Variants in SLCO1B1 observed in about 807,000 individuals in gnomAD.
SLCO1B1 encodes solute carrier organic anion transporter family member 1B1.
In SLCO1B1, 81 loss-of-function variants were observed where a neutral mutation model predicts 70.1. The ratio of observed to expected loss-of-function variants is 1.16; its 90% confidence interval spans 0.97 to 1.39. The LOEUF (loss-of-function observed/expected upper bound fraction) is 1.39, where lower values mean the gene tolerates loss of function less well. SLCO1B1 is among the 40% of genes most tolerant of loss of function. The pLI is 0.00. For synonymous variants in SLCO1B1, 283 were observed against 271.5 expected (o/e 1.04, Z -0.42); for missense variants, 895 against 799.6 (o/e 1.12, Z -1.44).
chr12:21,196,070 A>G (rs1055608305), intron 7 of SLCO1B1, among the ~76,000 whole-genome samples: 3 of 152,144 alleles, frequency 2.0e-5, no homozygotes, highest in African/African-American at 7.2e-5. Context: ...GGTGTCTCCA[A>G]TTTTCTTAAA....
chr12:21,190,101 A>G (rs911289807), intron 7 of SLCO1B1, among the ~76,000 whole-genome samples: 2 of 152,178 alleles, frequency 1.3e-5, no homozygotes, highest in Admixed American at 6.5e-5. Flanking sequence ...AGGGGAGACT[A>G]AGCTGAAGAT....
At chr12:21,137,529 C>T (rs1486891226) in intron 1 of SLCO1B1, among the ~76,000 whole-genome samples, 2 of 152,054 alleles carry the variant, frequency 1.3e-5, no homozygotes, top group African/African-American at 2.4e-5. Context: ...ACAACTAACT[C>T]AGCAATGGTG....
intron 7 of SLCO1B1, among the ~76,000 whole-genome samples, chr12:21,187,841 G>A (rs1449172926): frequency 1.3e-5 from 2 of 152,044 alleles, no homozygotes; most frequent in East Asian, 1.9e-4. Flanking sequence ...TCAAGATATC[G>A]GTATTGGAGA....
In SLCO1B1 at chr12:21,225,704, C is replaced by T. The variant is rs562820592; in HGVS notation, c.1865+865C>T. ...CACAGGCAAATATCCCGAATATATACGGAACTCTTAAACATCAGCAAAAAA... is the reference window on the plus strand; with the variant it reads ...CACAGGCAAATATCCCGAATATATATGGAACTCTTAAACATCAGCAAAAAA... On this transcript the variant is annotated intron_variant, in intron 14 of 14. Coordinates refer to ENST00000256958, the MANE Select transcript of SLCO1B1 (RefSeq NM_006446.5). 2.0e-3 allele frequency among the ~76,000 whole-genome samples: 312 copies of T among 152,204 alleles called. 1 individual carries two copies. Among genetic ancestry groups the T allele is most frequent in the African/African-American group, 6.8e-3 (284 of 41,512 alleles).
chr12:21,156,581 C>T (rs1940545912), intron 2 of SLCO1B1, among the ~76,000 whole-genome samples: 1 of 151,860 alleles, frequency 6.6e-6, no homozygotes, highest in Non-Finnish European at 1.5e-5. Flanking sequence ...TAGTTAATAA[C>T]AGAAAAAATA....
chr12:21,220,809 C>A, intron 12 of SLCO1B1, among the ~76,000 whole-genome samples: 1 of 131,758 alleles, frequency 7.6e-6, no homozygotes, highest in African/African-American at 2.9e-5. Flanking sequence ...CAGAGCAAGA[C>A]TGGTCTAAAA....
At chr12:21,206,873 T>C (rs1409244925) in intron 11 of SLCO1B1, among the ~76,000 whole-genome samples, 1 of 151,924 alleles carries the variant, frequency 6.6e-6, no homozygotes, top group Non-Finnish European at 1.5e-5. Flanking sequence ...TGCCACACCC[T>C]TCTGTGTTTG....
intron 10 of SLCO1B1, 67 bp downstream of exon 10, chr12:21,202,753 T>TA (rs1941173669): frequency 9.4e-6 from 12 of 1,280,312 alleles, no homozygotes; most frequent in Non-Finnish European, 1.3e-5. Flanking sequence ...TCTGTATAAG[T>TA]AATATAAGGC....
chr12:21,168,834 T>A (rs1471703746), intron 2 of SLCO1B1, among the ~76,000 whole-genome samples: 1 of 152,224 alleles, frequency 6.6e-6, no homozygotes, highest in African/African-American at 2.4e-5. Context: ...CCATAGGTTA[T>A]CTTTTCACCT....
At position 21,136,996 on chromosome 12, in the gene SLCO1B1, C is replaced by CT. The variant is rs1940231950; in HGVS notation, c.-61-4518_-61-4517insT. 2.0e-5 allele frequency among the ~76,000 whole-genome samples: 3 copies of CT among 152,240 alleles called. No individual in the cohort carries two copies. In the East Asian group the frequency reaches 5.8e-4, roughly 29 times the overall value. ...TTTGGTCTTTGATGATGGTGACGTA[C>CT]AGATGGGTTTTTGGTGCGGATGTCC... On this transcript the variant is annotated intron_variant, in intron 1 of 14. Coordinates refer to ENST00000256958, the MANE Select transcript of SLCO1B1 (RefSeq NM_006446.5).
At chr12:21,214,866 G>C (rs1941338976) in intron 11 of SLCO1B1, among the ~76,000 whole-genome samples, 1 of 151,980 alleles carries the variant, frequency 6.6e-6, no homozygotes, top group South Asian at 2.1e-4. Context: ...CTGGGAAAGG[G>C]AACTCCCTGA....
Position 21,202,693 on chromosome 12 carries a change from A to G in SLCO1B1, c.1331+7A>G, listed in dbSNP as rs781576163. ...TAACCATGACCTATGATGGGTTTGT[A>G]TATATCACTATATCAATTGCATAAT... On this transcript the variant is annotated splice_region_variant and intron_variant, in intron 10 of 14. Coordinates refer to ENST00000256958, the MANE Select transcript of SLCO1B1 (RefSeq NM_006446.5). 6 of 1,589,058 alleles carry G rather than the reference A, an allele frequency of 3.8e-6. No homozygotes were observed. In the African/African-American group the frequency reaches 6.7e-5, roughly 18 times the overall value.
intron 2 of SLCO1B1, among the ~76,000 whole-genome samples, chr12:21,142,339 T>C (rs1477937758): frequency 3.3e-5 from 5 of 151,930 alleles, no homozygotes; most frequent in Non-Finnish European, 7.4e-5. Flanking sequence ...CAATGCTAAA[T>C]GAGAAGCCAA....
rs144164853 is a variant in SLCO1B1, at chr12:21,172,749, T to C, written c.184T>C (p.Ser62Pro). The C allele has an allele frequency of 8.1e-6, 13 of 1,613,434 alleles. No individual in the cohort carries two copies. The highest frequency in any genetic ancestry group is 1.0e-5 in the Non-Finnish European group (12 of 1,179,716). The change falls in exon 3 of 15, where the codon TCC becomes CCC. Residue 62 changes from serine to proline, a missense_variant. Coordinates refer to ENST00000256958, the MANE Select transcript of SLCO1B1 (RefSeq NM_006446.5). ...TCATATAGAACGGAGATTTGAGATA[T>C]CCTCTTCTCTTGTTGGTTTTATTGA... ...IIHIERRFEI[S>P]SSLVGFIDGS...
chr12:21,135,182 C>T lies in SLCO1B1; in HGVS notation c.-62+3946C>T, dbSNP rs541577906. Among the ~76,000 whole-genome samples the T allele has an allele frequency of 1.6e-4, 25 of 152,242 alleles. 1 individual carries two copies. Among genetic ancestry groups the T allele is most frequent in the South Asian group, 4.1e-4 (2 of 4,828 alleles). On this transcript the variant is annotated intron_variant, in intron 1 of 14. Transcript: ENST00000256958. ...TTAATCCTGAGTTCTAGTTTGATTG[C>T]GCTGTGGTCTGAGAAACAGTTTGTT...
At chr12:21,191,552 C>G (rs1941029721) in intron 7 of SLCO1B1, among the ~76,000 whole-genome samples, 1 of 151,906 alleles carries the variant, frequency 6.6e-6, no homozygotes, top group Non-Finnish European at 1.5e-5. Flanking sequence ...TTAGGGTTTT[C>G]TATATACAAA....
intron 2 of SLCO1B1, among the ~76,000 whole-genome samples, chr12:21,165,714 C>G (rs1363596293): frequency 3.3e-5 from 5 of 152,030 alleles, no homozygotes; most frequent in Non-Finnish European, 5.9e-5. Flanking sequence ...TGCTGGAGAG[C>G]TCACTAGATT....
intron 2 of SLCO1B1, among the ~76,000 whole-genome samples, chr12:21,172,104 A>G (rs1020814272): frequency 5.9e-5 from 9 of 152,236 alleles, no homozygotes; most frequent in African/African-American, 2.2e-4. Flanking sequence ...TGTAATAGAA[A>G]TGATTAATCG....
At chr12:21,134,710 TG>T (rs1940192563) in intron 1 of SLCO1B1, among the ~76,000 whole-genome samples, 1 of 152,198 alleles carries the variant, frequency 6.6e-6, no homozygotes, top group Non-Finnish European at 1.5e-5. Context: ...TGCATCTATT[TG>T]ATTCTTCTCT....
Sources: allele counts gnomAD v4.1 joint callset (sites outside exome capture counted in the v4.1 genomes callset), GRCh38; gene constraint gnomAD v4.1.1; transcripts MANE v1.5; gene names NCBI Gene and HGNC (gene_info 2026-07-23, HGNC 2026-07-21).